Variants in AUTS2 observed in about 807,000 individuals in gnomAD.
AUTS2 encodes activator of transcription and developmental regulator AUTS2.
Under a neutral mutation model 112.4 loss-of-function variants are expected in AUTS2, and 17 were observed. That is an observed-to-expected ratio of 0.15 (90% confidence interval 0.10 to 0.23). The LOEUF (loss-of-function observed/expected upper bound fraction) is 0.23. Ranked by LOEUF, AUTS2 falls within the 10% of genes least tolerant of loss-of-function variation. The pLI, the probability that AUTS2 is intolerant of heterozygous loss-of-function variation, is 1.00. For missense variants in AUTS2, 1,510 were observed against 1,701.6 expected (o/e 0.89, Z 1.98); for synonymous variants, 751 against 702.7 (o/e 1.07, Z -1.09).
At chr7:70,052,952 G>A (rs561474213) in intron 2 of AUTS2, among the ~76,000 whole-genome samples, 31 of 152,292 alleles carry the variant, frequency 2.0e-4, no homozygotes, top group African/African-American at 7.2e-4. Context: ...GTGATTTTGA[G>A]ATAAATAGTG....
chr7:69,621,909 TCTTC>T (rs1425589970), intron 1 of AUTS2, among the ~76,000 whole-genome samples: 2 of 151,894 alleles, frequency 1.3e-5, no homozygotes, highest in East Asian at 3.9e-4. Flanking sequence ...TTTCTTTCTT[TCTTC>T]ATTTAGGCCT....
chr7:69,879,232 A>G (rs538776467), intron 1 of AUTS2, among the ~76,000 whole-genome samples: 2 of 151,286 alleles, frequency 1.3e-5, no homozygotes, highest in South Asian at 2.1e-4. Context: ...GCTTCCCTCC[A>G]TCCTGGGCTC....
chr7:70,317,457 A>G (rs1790049257), intron 4 of AUTS2, among the ~76,000 whole-genome samples: 1 of 152,226 alleles, frequency 6.6e-6, no homozygotes, highest in Non-Finnish European at 1.5e-5. Flanking sequence ...TAAACACTTC[A>G]TGTATTAACT....
At chr7:70,183,833 C>CTT (rs60689973) in intron 4 of AUTS2, among the ~76,000 whole-genome samples, 13,306 of 137,850 alleles carry the variant, frequency 0.097, 880 homozygotes, top group African/African-American at 0.19. Flanking sequence ...CTGTCTTTTT[C>CTT]TTTTTTTTTT....
chr7:70,131,977 A>G (rs12698855), intron 3 of AUTS2, among the ~76,000 whole-genome samples: 44,532 of 151,534 alleles, frequency 0.29, 6,784 homozygotes, highest in Middle Eastern at 0.37. Context: ...CACTCCTGTT[A>G]AAATTCTCCA....
At chr7:70,092,066 G>A (rs1803948695) in intron 2 of AUTS2, among the ~76,000 whole-genome samples, 1 of 94,676 alleles carries the variant, frequency 1.1e-5, no homozygotes, top group South Asian at 3.4e-4. Context: ...TTACAGGTCT[G>A]TGACTCCTAA....
At chr7:70,573,904 A>G (rs1802051332) in intron 5 of AUTS2, among the ~76,000 whole-genome samples, 1 of 152,188 alleles carries the variant, frequency 6.6e-6, no homozygotes, top group African/African-American at 2.4e-5. Context: ...CTTGCTAAAT[A>G]AACATATCGT....
intron 1 of AUTS2, among the ~76,000 whole-genome samples, chr7:69,700,723 G>C (rs1797767014): frequency 1.3e-5 from 2 of 152,168 alleles, no homozygotes; most frequent in African/African-American, 4.8e-5. Context: ...TGTATTTCTT[G>C]AGATTTACTT....
chr7:69,977,199 A>G (rs1798095396), intron 2 of AUTS2, among the ~76,000 whole-genome samples: 2 of 152,204 alleles, frequency 1.3e-5, no homozygotes, highest in Non-Finnish European at 2.9e-5. Context: ...TGAATAAACT[A>G]TCTTTCTCCA....
intron 1 of AUTS2, among the ~76,000 whole-genome samples, chr7:69,724,428 T>C (rs888086462): frequency 4.6e-5 from 7 of 152,176 alleles, no homozygotes; most frequent in African/African-American, 1.7e-4. Context: ...TTTTAGGGAG[T>C]TGTCTCTTTA....
chr7:70,580,917 T>G (rs1802404132), intron 5 of AUTS2, among the ~76,000 whole-genome samples: 1 of 152,138 alleles, frequency 6.6e-6, no homozygotes, highest in Non-Finnish European at 1.5e-5. Flanking sequence ...GGTTCTTGGC[T>G]TTCATCAGAT....
chr7:70,376,452 G>A (rs1342736007), intron 4 of AUTS2, among the ~76,000 whole-genome samples: 1 of 152,014 alleles, frequency 6.6e-6, no homozygotes, highest in Non-Finnish European at 1.5e-5. Flanking sequence ...GACTGTGGGT[G>A]AGATGTGGCC....
At chr7:69,666,880 C>T (rs894391166) in intron 1 of AUTS2, among the ~76,000 whole-genome samples, 3 of 152,052 alleles carry the variant, frequency 2.0e-5, no homozygotes, top group Admixed American at 6.5e-5. Flanking sequence ...CCAGCCTGGG[C>T]GAGAGAGTGA....
At chr7:69,744,429 G>T (rs1315391137) in intron 1 of AUTS2, among the ~76,000 whole-genome samples, 1 of 152,126 alleles carries the variant, frequency 6.6e-6, no homozygotes, top group Non-Finnish European at 1.5e-5. Flanking sequence ...AGCCAGAAAG[G>T]TGTCAAGCAT....
intron 4 of AUTS2, among the ~76,000 whole-genome samples, chr7:70,425,529 A>G (rs1348896870): frequency 1.3e-5 from 2 of 152,196 alleles, no homozygotes; most frequent in African/African-American, 2.4e-5. Context: ...AGCATCAGAT[A>G]ATGTGGAATG....
intron 5 of AUTS2, among the ~76,000 whole-genome samples, chr7:70,496,798 C>CCA (rs1217933293): frequency 3.7e-5 from 5 of 133,436 alleles, no homozygotes; most frequent in African/African-American, 8.6e-5. Context: ...CACACACACC[C>CCA]CACACATGCA....
At chr7:70,365,197 A>C (rs1792511548) in intron 4 of AUTS2, among the ~76,000 whole-genome samples, 1 of 152,224 alleles carries the variant, frequency 6.6e-6, no homozygotes, top group African/African-American at 2.4e-5. Context: ...ATCTGCCCTG[A>C]ATTTCCCTCT....
At chr7:70,581,312 G>T (rs1802429932) in intron 5 of AUTS2, among the ~76,000 whole-genome samples, 1 of 152,146 alleles carries the variant, frequency 6.6e-6, no homozygotes, top group African/African-American at 2.4e-5. Context: ...CTTGAAACTG[G>T]GAGGCGGAGG....
At chr7:69,989,783 G>T (rs1190828838) in intron 2 of AUTS2, among the ~76,000 whole-genome samples, 1 of 152,140 alleles carries the variant, frequency 6.6e-6, no homozygotes, top group East Asian at 1.9e-4. Context: ...TTGGGAACTG[G>T]GCCACAGAGC....
Sources: allele counts gnomAD v4.1 joint callset (sites outside exome capture counted in the v4.1 genomes callset), GRCh38; gene constraint gnomAD v4.1.1; transcripts MANE v1.5; gene names NCBI Gene and HGNC (gene_info 2026-07-23, HGNC 2026-07-21).